The following ANKRD12 variants were observed in gnomAD, a reference collection of about 807,000 sequenced individuals.
The protein encoded by ANKRD12 is ankyrin repeat domain-containing protein 12.
In ANKRD12, 85 loss-of-function variants were observed where a neutral mutation model predicts 183.4. The ratio of observed to expected loss-of-function variants is 0.46; its 90% confidence interval spans 0.39 to 0.56. ANKRD12 has a LOEUF of 0.56. ANKRD12 is among the 20% of genes least tolerant of loss of function. The pLI is 0.00. For missense variants in ANKRD12, 2,405 were observed against 2,357.1 expected, an observed-to-expected ratio of 1.02 and a Z score of -0.42; for synonymous variants, 914 against 800.2, an observed-to-expected ratio of 1.14 and a Z score of -2.40.
intron 1 of ANKRD12, among the ~76,000 whole-genome samples, chr18:9,178,366 G>T (rs1208301713): frequency 6.6e-6 from 1 of 151,336 alleles, no homozygotes; most frequent in East Asian, 1.9e-4. Flanking sequence ...TGGATATACA[G>T]TTTTTCCAAG....
Position 9,282,773 on chromosome 18 carries a change from T to C in ANKRD12, c.*1647T>C, listed in dbSNP as rs147162403. On this transcript the variant is annotated 3_prime_UTR_variant, in exon 13 of 13. Transcript: ENST00000262126. The stretch of plus-strand genomic sequence containing the variant: ...GAATGTAAATGTGCAAAGGTACATA[T>C]TAAGCTTAGGGATTTTTGAATTTTT... The C allele has an allele frequency of 5.9e-5, 9 of 152,724 alleles. No homozygotes were observed. The highest frequency in any genetic ancestry group is 1.2e-4 in the Non-Finnish European group (8 of 67,990). The allele number at this position is 152,724 out of a possible 1,614,324, so 9.5% of individuals were successfully genotyped here.
At chr18:9,186,750 CTTTTTTTT>C (rs759387137) in intron 2 of ANKRD12, among the ~76,000 whole-genome samples, 1 of 117,274 alleles carries the variant, frequency 8.5e-6, no homozygotes, top group African/African-American at 3.3e-5. Flanking sequence ...CTTTGATTGT[CTTTTTTTT>C]TTTTTTTTTT....
intron 8 of ANKRD12, among the ~76,000 whole-genome samples, chr18:9,244,080 G>T (rs1314909276): frequency 3.9e-5 from 6 of 152,222 alleles, no homozygotes; most frequent in Non-Finnish European, 2.9e-5. Context: ...GTTACAGTGA[G>T]CCGAGGTCGC....
chr18:9,267,687 C>T (rs1598756202), intron 10 of ANKRD12, among the ~76,000 whole-genome samples: 1 of 152,120 alleles, frequency 6.6e-6, no homozygotes, highest in East Asian at 1.9e-4. Flanking sequence ...CTAAAATTGA[C>T]ACCCTAACAT....
chr18:9,177,689 A>G (rs2144107347), intron 1 of ANKRD12, among the ~76,000 whole-genome samples: 1 of 152,230 alleles, frequency 6.6e-6, no homozygotes, highest in East Asian at 1.9e-4. Flanking sequence ...TATTTCTTCT[A>G]TTTATGTTTC....
intron 6 of ANKRD12, 63 bp downstream of exon 6, chr18:9,211,847 AT>A: frequency 7.6e-7 from 1 of 1,311,838 alleles, no homozygotes; most frequent in Admixed American, 2.0e-5. Context: ...CCTGGTTACA[AT>A]TTAATCTACA....
chr18:9,275,389 C>A, intron 10 of ANKRD12, 135 bp from the exon 11 acceptor site: 1 of 613,318 alleles, frequency 1.6e-6, no homozygotes, highest in South Asian at 2.9e-5. Flanking sequence ...GGGAGGATTG[C>A]TTGAACCCAG....
At chr18:9,138,707 C>T (rs568620727) in intron 1 of ANKRD12, among the ~76,000 whole-genome samples, 1 of 152,172 alleles carries the variant, frequency 6.6e-6, no homozygotes, top group Non-Finnish European at 1.5e-5. Flanking sequence ...TAGTGTCCAC[C>T]GTGTAAGATG....
chr18:9,145,387 G>A (rs562120493), intron 1 of ANKRD12, among the ~76,000 whole-genome samples: 7 of 152,294 alleles, frequency 4.6e-5, no homozygotes, highest in Non-Finnish European at 4.4e-5. Flanking sequence ...GCAGGGATTC[G>A]GGAAGATACA....
Position 9,257,604 on chromosome 18 carries a change from C to T in ANKRD12, c.4337C>T (p.Ser1446Phe), listed in dbSNP as rs2038714446. The change falls in exon 9 of 13, where the codon TCC becomes TTC. Residue 1446 changes from serine to phenylalanine, a missense_variant. This residue lies in a region of ANKRD12 where 1,983 missense variants were observed against 1,725.9 expected (regional missense o/e 1.15). Coordinates refer to ENST00000262126, the MANE Select transcript of ANKRD12 (RefSeq NM_015208.5). ...AATTCTAACATACCTGATCAAGAAT[C>T]CTCTCTTCAGAGTTTTTGTAATTCT... ...CPNSNIPDQE[S>F]SLQSFCNSEN... 1.2e-6 allele frequency: 2 copies of T among 1,613,896 alleles called. No homozygotes were observed. The highest frequency in any genetic ancestry group is 2.7e-5 in the African/African-American group (2 of 74,892).
rs1405414762 is a variant in ANKRD12, at chr18:9,211,876, C to T, written c.652+92C>T. 32 of 1,161,534 alleles carry T rather than the reference C, an allele frequency of 2.8e-5. No homozygotes were observed. The South Asian group carries it at 4.7e-4, about 17-fold the overall frequency. The allele number at this position is 1,161,534 out of a possible 1,614,324, so 72.0% of individuals were successfully genotyped here. ...AATCTACATTCTTTTATTCATTTTG[C>T]TGAAATGAAAGAGTTCTAAAAATAC... On this transcript the variant is annotated intron_variant, in intron 6 of 12. Transcript: ENST00000262126.
chr18:9,192,039 T>TC (rs1215916181), intron 2 of ANKRD12, among the ~76,000 whole-genome samples: 13 of 152,318 alleles, frequency 8.5e-5, no homozygotes, highest in Admixed American at 8.5e-4. Flanking sequence ...CCCTGGTACT[T>TC]CCCTGTGTGG....
intron 1 of ANKRD12, among the ~76,000 whole-genome samples, chr18:9,169,395 T>C (rs778491220): frequency 5.3e-5 from 8 of 152,282 alleles, no homozygotes; most frequent in African/African-American, 1.4e-4. Context: ...TCTGGGTTCT[T>C]CTGTATTGGG....
chr18:9,201,213 C>T lies in ANKRD12; in HGVS notation c.236-3263C>T, dbSNP rs539474395. On this transcript the variant is annotated intron_variant, in intron 3 of 12. Coordinates refer to ENST00000262126, the MANE Select transcript of ANKRD12 (RefSeq NM_015208.5). ...TCTGCCCCCATATATAAAGTGTAAT[C>T]AGTAACTGATAACTTTTGTTATCTT... 2.0e-5 allele frequency among the ~76,000 whole-genome samples: 3 copies of T among 152,272 alleles called. No individual in the cohort carries two copies. In the South Asian group the frequency reaches 6.2e-4, roughly 32 times the overall value.
At chr18:9,193,864 A>G (rs545824781) in intron 2 of ANKRD12, among the ~76,000 whole-genome samples, 20 of 152,332 alleles carry the variant, frequency 1.3e-4, no homozygotes, top group African/African-American at 4.8e-4. Flanking sequence ...ATTTCTCACA[A>G]AGGAGTTGTC....
chr18:9,238,175 T>G (rs2037456232), intron 8 of ANKRD12, among the ~76,000 whole-genome samples: 1 of 152,156 alleles, frequency 6.6e-6, no homozygotes, highest in South Asian at 2.1e-4. Flanking sequence ...CCCAGACTCT[T>G]CCTTCTCAAT....
chr18:9,254,836 A>G lies in ANKRD12; in HGVS notation c.1569A>G (p.Lys523=). 1 of 1,488,964 alleles carries G rather than the reference A, an allele frequency of 6.7e-7. No homozygotes were observed. Among genetic ancestry groups the G allele is most frequent in the Non-Finnish European group, 8.9e-7 (1 of 1,122,272 alleles). The allele number at this position is 1,488,964 out of a possible 1,614,324, so 92.2% of individuals were successfully genotyped here. A position where few individuals can be genotyped will look rare whatever the true frequency, so the allele number is the denominator to read the frequency against. Residue 523 remains lysine, a synonymous_variant, in exon 9 of 13, where the codon AAA becomes AAG. Transcript: ENST00000262126. ...EKTREEGNFR[K]SFSPKDDTSL... ...CCAGAGAGGAGGGGAACTTTAGGAA[A>G]TCTTTTAGCCCAAAAGATGATACTT...
Position 9,191,412 on chromosome 18 carries a change from C to T in ANKRD12, c.88-4139C>T, listed in dbSNP as rs894438083. ...AGCAGTTATGATAGTTACACATCAC[C>T]GTATTGCACAGGAGAACATATTCCA... On this transcript the variant is annotated intron_variant, in intron 2 of 12. Coordinates refer to ENST00000262126, the MANE Select transcript of ANKRD12 (RefSeq NM_015208.5). Among the ~76,000 whole-genome samples, 10 of 152,068 alleles carry T rather than the reference C, an allele frequency of 6.6e-5. No individual in the cohort carries two copies. The East Asian group carries it at 1.2e-3, about 18-fold the overall frequency.
At chr18:9,240,422 T>C (rs1347708757) in intron 8 of ANKRD12, among the ~76,000 whole-genome samples, 1 of 152,186 alleles carries the variant, frequency 6.6e-6, no homozygotes, top group East Asian at 1.9e-4. Context: ...GTGCGAGAAC[T>C]CAGTCATATT....
Sources: allele counts gnomAD v4.1 joint callset (sites outside exome capture counted in the v4.1 genomes callset), GRCh38; gene constraint gnomAD v4.1.1; regional missense constraint gnomAD v4.1.1; transcripts MANE v1.5; gene names NCBI Gene and HGNC (gene_info 2026-07-23, HGNC 2026-07-21).